DNAJC10: variants seen among roughly 807,000 people sequenced by gnomAD.
DNAJC10 encodes the protein endoplasmic reticulum disulfide reductase DNAJC10.
DNAJC10 carries 101 observed loss-of-function variants against 115.0 expected under a neutral mutation model. The observed-to-expected ratio is 0.88, with a 90% CI of 0.75 to 1.04. The LOEUF is 1.04. DNAJC10 is among the 50% of genes least tolerant of loss of function. The pLI, the probability that DNAJC10 is intolerant of heterozygous loss-of-function variation, is 0.00. For missense variants in DNAJC10, 981 were observed against 928.8 expected, an observed-to-expected ratio of 1.06 and a Z score of -0.73; for synonymous variants, 307 against 301.5, an observed-to-expected ratio of 1.02 and a Z score of -0.19.
intron 10 of DNAJC10, among the ~76,000 whole-genome samples, chr2:182,732,974 C>T (rs1348214671): frequency 6.6e-6 from 1 of 151,908 alleles, no homozygotes; most frequent in Admixed American, 6.6e-5. Context: ...CAAAGCCACA[C>T]AAATTGTCAG....
chr2:182,738,125 C>T (rs1476101802), intron 11 of DNAJC10, among the ~76,000 whole-genome samples: 2 of 152,136 alleles, frequency 1.3e-5, no homozygotes, highest in East Asian at 1.9e-4. Flanking sequence ...AAGTCACTGA[C>T]TAGATGTGAC....
chr2:182,736,447 A>G, intron 11 of DNAJC10, 61 bp downstream of exon 11: 5 of 1,222,516 alleles, frequency 4.1e-6, no homozygotes, highest in Non-Finnish European at 5.4e-6. Flanking sequence ...CAAAAATAAT[A>G]CATTATTTTT....
intron 17 of DNAJC10, 85 bp downstream of exon 17, chr2:182,755,189 AT>A: frequency 1.2e-6 from 1 of 835,194 alleles, no homozygotes; most frequent in Non-Finnish European, 2.0e-6. Context: ...GTTTAATAGG[AT>A]TTACTCTTTT....
At chr2:182,729,974 A>G (rs1559000690) in intron 8 of DNAJC10, 33 bp downstream of exon 8, 1 of 1,439,446 alleles carries the variant, frequency 6.9e-7, no homozygotes, top group South Asian at 1.2e-5. Context: ...CTTGATTTTC[A>G]GGGTATTTTG....
intron 22 of DNAJC10, among the ~76,000 whole-genome samples, chr2:182,770,590 G>A (rs1694534806): frequency 6.6e-6 from 1 of 152,130 alleles, no homozygotes; most frequent in African/African-American, 2.4e-5. Context: ...GTAAATGGGA[G>A]TTCACTCATG....
rs574314822 is a variant in DNAJC10, at chr2:182,733,929, A to AT, written c.849+1394dup. ...GCTATAAAATTGTACATAATATCCT[A>AT]TTTTTTTATATCTGTAGTATCTATA... is the stretch of plus-strand genomic sequence containing the variant. On this transcript the variant is annotated intron_variant, in intron 10 of 23. Coordinates refer to ENST00000264065, the MANE Select transcript of DNAJC10 (RefSeq NM_018981.4). 2.7e-3 allele frequency among the ~76,000 whole-genome samples: 408 copies of AT among 151,218 alleles called. 1 individual carries two copies. Among genetic ancestry groups the AT allele is most frequent in the African/African-American group, 9.3e-3 (386 of 41,374 alleles).
chr2:182,738,952 C>T (rs952203676), intron 11 of DNAJC10, among the ~76,000 whole-genome samples: 5 of 151,884 alleles, frequency 3.3e-5, no homozygotes, highest in East Asian at 1.9e-4. Context: ...AACAAATTCT[C>T]CTCTAACAGA....
intron 23 of DNAJC10, among the ~76,000 whole-genome samples, chr2:182,775,848 A>C (rs1373704674): frequency 1.3e-5 from 2 of 152,236 alleles, no homozygotes; most frequent in Admixed American, 6.5e-5. Context: ...GAATGAAGCC[A>C]GTCACAAAGG....
chr2:182,769,237 TG>T (rs1278830504), intron 22 of DNAJC10, among the ~76,000 whole-genome samples: 1 of 152,220 alleles, frequency 6.6e-6, no homozygotes, highest in Non-Finnish European at 1.5e-5. Context: ...GATGTACTTT[TG>T]CGGTGGTTCC....
Position 182,740,429 on chromosome 2 carries a change from C to A in DNAJC10, c.1077+41C>A. On this transcript the variant is annotated intron_variant, in intron 12 of 23. Transcript: ENST00000264065. ...ATAATGATAAGTAGCAATGAATGTTCGTAACATTTCAGGTCTTAACATTTT... is the reference window on the plus strand; with the variant it reads ...ATAATGATAAGTAGCAATGAATGTTAGTAACATTTCAGGTCTTAACATTTT... 1.3e-6 allele frequency: 2 copies of A among 1,518,738 alleles called. No homozygotes were observed. The highest frequency in any genetic ancestry group is 2.7e-5 in the South Asian group (2 of 73,516). The allele number at this position is 1,518,738 out of a possible 1,614,324, so 94.1% of individuals were successfully genotyped here. A position where few individuals can be genotyped will look rare whatever the true frequency, so the allele number is the denominator to read the frequency against.
intron 22 of DNAJC10, among the ~76,000 whole-genome samples, chr2:182,770,261 T>G (rs2105702124): frequency 6.6e-6 from 1 of 152,326 alleles, no homozygotes; most frequent in South Asian, 2.1e-4. Flanking sequence ...TGCCTCCACC[T>G]TTGTTCTTTT....
chr2:182,728,649 A>C lies in DNAJC10; in HGVS notation c.492A>C (p.Leu164Phe), dbSNP rs1363060540. The C allele has an allele frequency of 6.2e-7, 1 of 1,611,348 alleles. No homozygotes were observed. The highest frequency in any genetic ancestry group is 1.3e-5 in the African/African-American group (1 of 74,886). ...YSPGCSHCHD[L>F]APTWRDFAKE... ...CAGGCTGTTCACACTGCCATGATTT[A>C]GCTCCCACAGTATGTATTTTTCACA... Residue 164 changes from leucine to phenylalanine, a missense_variant, in exon 6 of 24, where the codon TTA becomes TTC. Transcript: ENST00000264065.
chr2:182,759,359 T>C (rs1574949167), intron 21 of DNAJC10, 52 bp downstream of exon 21: 1 of 1,527,102 alleles, frequency 6.5e-7, no homozygotes. Context: ...GTTTTAGTAA[T>C]TAGATAAAAC....
Position 182,736,404 on chromosome 2 carries a change from C to A in DNAJC10, c.987+18C>A, listed in dbSNP as rs182080380. 9 of 1,522,580 alleles carry A rather than the reference C, an allele frequency of 5.9e-6. No individual in the cohort carries two copies. The highest frequency in any genetic ancestry group is 1.4e-5 in the African/African-American group (1 of 70,344). 94.3% of individuals were successfully genotyped at this position (1,522,580 alleles called of 1,614,324 possible). On this transcript the variant is annotated intron_variant, in intron 11 of 23. Coordinates refer to ENST00000264065, the MANE Select transcript of DNAJC10 (RefSeq NM_018981.4). ...GTATTTTGGTATGAATCACTTTAAACTAATTTATTTACATATAATGTGCAA... is the reference window on the plus strand; with the variant it reads ...GTATTTTGGTATGAATCACTTTAAAATAATTTATTTACATATAATGTGCAA...
intron 22 of DNAJC10, among the ~76,000 whole-genome samples, chr2:182,764,358 A>G (rs182042088): frequency 8.5e-5 from 13 of 152,306 alleles, no homozygotes; most frequent in African/African-American, 3.1e-4. Context: ...CAGTTGCAGT[A>G]GCGGCAGTTG....
intron 5 of DNAJC10, among the ~76,000 whole-genome samples, chr2:182,722,451 G>A (rs1156879382): frequency 6.6e-6 from 1 of 152,112 alleles, no homozygotes; most frequent in Non-Finnish European, 1.5e-5. Flanking sequence ...GCAACTTTGT[G>A]TGAAAATGGC....
intron 22 of DNAJC10, among the ~76,000 whole-genome samples, chr2:182,775,036 GT>G (rs2105710002): frequency 6.8e-6 from 1 of 147,522 alleles, no homozygotes; most frequent in East Asian, 2.0e-4. Context: ...TTCTTGCACA[GT>G]TTCGATGTTT....
intron 14 of DNAJC10, among the ~76,000 whole-genome samples, chr2:182,748,363 A>G (rs1360034096): frequency 4.6e-5 from 7 of 151,368 alleles, no homozygotes; most frequent in Non-Finnish European, 7.4e-5. Flanking sequence ...CTGGTCCTGG[A>G]CTCTTTTTGT....
Position 182,794,436 on chromosome 2 carries a change from G to A in DNAJC10, c.*17304G>A, listed in dbSNP as rs1695108289. ...CTATGTTTTTTTATAACATGTAGAA[G>A]TGAAATAAACTTGTCACAAAAATGC... On this transcript the variant is annotated 3_prime_UTR_variant, in exon 24 of 24. Transcript: ENST00000264065. 6.6e-6 allele frequency: 1 copy of A among 152,150 alleles called. No individual in the cohort carries two copies. Among genetic ancestry groups the A allele is most frequent in the South Asian group, 2.1e-4 (1 of 4,830 alleles). The allele number at this position is 152,150 out of a possible 1,614,324, so 9.4% of individuals were successfully genotyped here.
Sources: gnomAD v4.1 joint callset for allele counts (sites outside exome capture counted in the v4.1 genomes callset) on GRCh38, gnomAD v4.1.1 for gene constraint, MANE v1.5 for transcripts, NCBI Gene and HGNC (gene_info 2026-07-23, HGNC 2026-07-21) for gene names.